Variants in SLC9C1 observed in about 807,000 individuals in gnomAD.
The protein encoded by SLC9C1 is sodium/hydrogen exchanger 10.
In SLC9C1, 97 loss-of-function variants were observed where a neutral mutation model predicts 140.9. That is an observed-to-expected ratio of 0.69 (90% CI 0.58 to 0.82). The LOEUF (loss-of-function observed/expected upper bound fraction) is 0.82. Ranked by LOEUF, SLC9C1 falls within the 40% of genes least tolerant of loss-of-function variation. The pLI is 0.00. For missense variants in SLC9C1, 1,340 were observed against 1,389.3 expected, an observed-to-expected ratio of 0.96 and a Z score of 0.56; for synonymous variants, 440 against 442.6, an observed-to-expected ratio of 0.99 and a Z score of 0.07.
In SLC9C1 at chr3:112,274,999, T is replaced by C. The variant is rs758501269; in HGVS notation, c.511A>G (p.Ile171Val). The stretch of plus-strand genomic sequence containing the variant: ...GAGGTCATCAGACTTTCTCCATTAA[T>C]TAAACTGATGAGGCTTCTAGAAAGC... ...LGLSRSLISL[I>V]NGESLMTSVI... The change falls in exon 6 of 29, where the codon ATT becomes GTT. Residue 171 changes from isoleucine to valine, a missense_variant. Coordinates refer to ENST00000305815, the MANE Select transcript of SLC9C1 (RefSeq NM_183061.3). 3.2e-6 allele frequency: 5 copies of C among 1,577,428 alleles called. No homozygotes were observed. The highest frequency in any genetic ancestry group is 4.3e-6 in the Non-Finnish European group (5 of 1,169,210).
chr3:112,289,387 G>C (rs569388839), intron 1 of SLC9C1, among the ~76,000 whole-genome samples: 1 of 152,316 alleles, frequency 6.6e-6, no homozygotes, highest in Admixed American at 6.5e-5. Flanking sequence ...CTGTCAGAAA[G>C]TGAGGACAAT....
At chr3:112,263,211 A>C (rs1000471467) in intron 9 of SLC9C1, 113 bp from the exon 10 acceptor site, 20 of 872,086 alleles carry the variant, frequency 2.3e-5, no homozygotes, top group Non-Finnish European at 3.2e-5. Context: ...CAAACAAATG[A>C]GACATCTTTC....
chr3:112,245,430 CT>C (rs577597812), intron 10 of SLC9C1, among the ~76,000 whole-genome samples: 53 of 144,350 alleles, frequency 3.7e-4, no homozygotes, highest in Admixed American at 7.6e-4. Flanking sequence ...TAGAGTTTTT[CT>C]TTTTTTTTTT....
chr3:112,247,496 T>C (rs776864937), intron 10 of SLC9C1, among the ~76,000 whole-genome samples: 2 of 152,210 alleles, frequency 1.3e-5, no homozygotes, highest in African/African-American at 4.8e-5. Context: ...ATCTCTGGGC[T>C]TAGAAAGATG....
At chr3:112,148,916 G>T (rs1433368033) in intron 28 of SLC9C1, among the ~76,000 whole-genome samples, 1 of 151,924 alleles carries the variant, frequency 6.6e-6, no homozygotes, top group African/African-American at 2.4e-5. Context: ...GGAAACCTTG[G>T]CTCTGAGTTC....
intron 6 of SLC9C1, among the ~76,000 whole-genome samples, chr3:112,270,585 G>A (rs1459722502): frequency 6.6e-6 from 1 of 152,230 alleles, no homozygotes; most frequent in Non-Finnish European, 1.5e-5. Flanking sequence ...GGAGGCCGAG[G>A]TGGGCAGATC....
At chr3:112,199,096 G>A (rs2077837298) in intron 20 of SLC9C1, among the ~76,000 whole-genome samples, 1 of 151,036 alleles carries the variant, frequency 6.6e-6, no homozygotes, top group Non-Finnish European at 1.5e-5. Context: ...CAGCAAAGCA[G>A]AGAAACAGGT....
chr3:112,290,066 A>T (rs1043156970), intron 1 of SLC9C1, among the ~76,000 whole-genome samples: 1 of 152,210 alleles, frequency 6.6e-6, no homozygotes, highest in Non-Finnish European at 1.5e-5. Flanking sequence ...CCATTAGGAA[A>T]GAACATTTTG....
At chr3:112,147,002 A>T (rs1227716888) in intron 28 of SLC9C1, among the ~76,000 whole-genome samples, 1 of 152,236 alleles carries the variant, frequency 6.6e-6, no homozygotes, top group Admixed American at 6.5e-5. Context: ...ATATAAATTT[A>T]GGATGATTAA....
chr3:112,242,240 C>T (rs1289177962), intron 11 of SLC9C1, among the ~76,000 whole-genome samples: 1 of 151,988 alleles, frequency 6.6e-6, no homozygotes, highest in African/African-American at 2.4e-5. Flanking sequence ...GAACTTAAAG[C>T]AACAGGCAAA....
intron 27 of SLC9C1, 66 bp from the exon 28 acceptor site, chr3:112,152,029 A>T: frequency 1.6e-6 from 2 of 1,266,892 alleles, no homozygotes; most frequent in Non-Finnish European, 1.1e-6. Flanking sequence ...CTGCCCCTCC[A>T]CACCTGTGGG....
chr3:112,272,757 C>T (rs1235890182), intron 6 of SLC9C1, among the ~76,000 whole-genome samples: 1 of 152,048 alleles, frequency 6.6e-6, no homozygotes, highest in African/African-American at 2.4e-5. Context: ...CCATTCTATT[C>T]ATTATTATCA....
chr3:112,224,111 C>T (rs2078614810), intron 13 of SLC9C1, among the ~76,000 whole-genome samples: 1 of 152,190 alleles, frequency 6.6e-6, no homozygotes, highest in African/African-American at 2.4e-5. Flanking sequence ...GTAGCATAGC[C>T]AGCTCCCTCA....
chr3:112,141,812 T>C (rs1048641490), intron 28 of SLC9C1, among the ~76,000 whole-genome samples: 3 of 152,226 alleles, frequency 2.0e-5, no homozygotes, highest in Admixed American at 1.3e-4. Flanking sequence ...CTCATCCTTC[T>C]AATTCCATAA....
chr3:112,173,108 T>C (rs574128037), intron 23 of SLC9C1, among the ~76,000 whole-genome samples: 1 of 152,300 alleles, frequency 6.6e-6, no homozygotes, highest in African/African-American at 2.4e-5. Context: ...TGACAAAGTC[T>C]GTGTAAGATT....
Position 112,243,250 on chromosome 3 carries a change from G to A in SLC9C1, c.1279+745C>T, listed in dbSNP as rs942180258. Reference sequence around the variant, plus strand: ...ACAGCATTATTCACAATAGCAAAGAGATGGAATCAACCTAAGTGTCCATCA... The same window carrying A: ...ACAGCATTATTCACAATAGCAAAGAAATGGAATCAACCTAAGTGTCCATCA... On this transcript the variant is annotated intron_variant, in intron 11 of 28. Coordinates refer to ENST00000305815, the MANE Select transcript of SLC9C1 (RefSeq NM_183061.3). 3.9e-5 allele frequency among the ~76,000 whole-genome samples: 6 copies of A among 152,224 alleles called. 1 individual carries two copies. The highest frequency in any genetic ancestry group is 1.4e-4 in the African/African-American group (6 of 41,532).
chr3:112,145,958 A>G (rs958134705), intron 28 of SLC9C1, among the ~76,000 whole-genome samples: 1 of 152,130 alleles, frequency 6.6e-6, no homozygotes, highest in Non-Finnish European at 1.5e-5. Flanking sequence ...ACCTTCTGCC[A>G]CGATTGTGAG....
At chr3:112,199,198 T>A in intron 20 of SLC9C1, 123 bp downstream of exon 20, 1 of 795,864 alleles carries the variant, frequency 1.3e-6, no homozygotes, top group Non-Finnish European at 1.8e-6. Flanking sequence ...CTTCAGAAAA[T>A]TATTTTAAGT....
chr3:112,289,765 T>G (rs946023205), intron 1 of SLC9C1, among the ~76,000 whole-genome samples: 1 of 152,216 alleles, frequency 6.6e-6, no homozygotes, highest in African/African-American at 2.4e-5. Context: ...TCTAAATTTT[T>G]TAATGTTACC....
Sources: gnomAD v4.1 joint callset for allele counts (sites outside exome capture counted in the v4.1 genomes callset) on GRCh38, gnomAD v4.1.1 for gene constraint, MANE v1.5 for transcripts, NCBI Gene and HGNC (gene_info 2026-07-23, HGNC 2026-07-21) for gene names.